Variants in ZNF284 observed in about 807,000 individuals in gnomAD.
The protein encoded by ZNF284 is zinc finger protein 284.
A neutral mutation model predicts 12.9 loss-of-function variants in ZNF284; 12 were observed. That is an observed-to-expected ratio of 0.93 (90% CI 0.60 to 1.51). The LOEUF (loss-of-function observed/expected upper bound fraction) is 1.51. Among genes scored for constraint, ZNF284 ranks in the 40% most tolerant of loss-of-function variants. ZNF284 has a pLI of 0.00. For missense variants in ZNF284, 667 were observed against 707.3 expected, an observed-to-expected ratio of 0.94 and a Z score of 0.65; for synonymous variants, 225 against 236.5, an observed-to-expected ratio of 0.95 and a Z score of 0.45.
rs760645754 is a variant in ZNF284, at chr19:44,087,108, T to G, written c.1630T>G (p.Cys544Gly). 18 of 1,614,050 alleles carry G rather than the reference T, an allele frequency of 1.1e-5. 1 individual carries two copies. The South Asian group carries it at 2.0e-4, about 18-fold the overall frequency. Residue 544 changes from cysteine (C) to glycine (G), a missense_variant, in exon 5 of 5, where the codon TGT becomes GGT. Cys to Gly is a radical substitution (Grantham distance 159). Transcript: ENST00000421176. ...SREKLFQCED[C>G]GKSSEHSSCL... is the part of the protein sequence containing the mutation. ...AGAAAAACTATTCCAATGTGAGGAT[T>G]GTGGGAAGAGCAGTGAGCACAGTTC...
At position 44,076,173 on chromosome 19, in the gene ZNF284, T is replaced by C. The variant is rs542866017; in HGVS notation, c.-68-149T>C. ...TCCATTTACCCATAGGAAGGCATTTTGGTTGTGTGCAATTTTGGGTTATTA... is the reference window on the plus strand; with the variant it reads ...TCCATTTACCCATAGGAAGGCATTTCGGTTGTGTGCAATTTTGGGTTATTA... On this transcript the variant is annotated intron_variant, in intron 1 of 4. Coordinates refer to ENST00000421176, the MANE Select transcript of ZNF284 (RefSeq NM_001037813.4). The C allele has an allele frequency of 1.6e-4, 80 of 486,840 alleles. 3 individuals are homozygous for C. In the South Asian group the frequency reaches 1.9e-3, roughly 12 times the overall value. The allele number at this position is 486,840 out of a possible 1,614,324, so 30.2% of individuals were successfully genotyped here. A position where few individuals can be genotyped will look rare whatever the true frequency, so the allele number is the denominator to read the frequency against.
Position 44,074,400 on chromosome 19 carries a change from ATATCATTTGAAACC to A in ZNF284, c.-68-1918_-68-1905del, listed in dbSNP as rs549270918. Among the ~76,000 whole-genome samples the A allele has an allele frequency of 1.4e-4, 22 of 152,240 alleles. No individual in the cohort carries two copies. The South Asian group carries it at 4.6e-3, about 32-fold the overall frequency. On this transcript the variant is annotated intron_variant, in intron 1 of 4. Coordinates refer to ENST00000421176, the MANE Select transcript of ZNF284 (RefSeq NM_001037813.4). ...AAAAAATATTTAACGTTTTATTTTC[ATATCATTTGAAACC>A]TATAGAAAAATTGCAAAAATAGTGT... is the stretch of plus-strand genomic sequence containing the variant.
chr19:44,083,531 T>A (rs1967171592), intron 4 of ZNF284, among the ~76,000 whole-genome samples: 1 of 135,414 alleles, frequency 7.4e-6, no homozygotes, highest in Non-Finnish European at 1.6e-5. Flanking sequence ...ATCTTTACCC[T>A]TCTGGTGTTG....
intron 2 of ZNF284, among the ~76,000 whole-genome samples, chr19:44,079,886 C>T (rs952699338): frequency 2.0e-5 from 3 of 152,058 alleles, no homozygotes; most frequent in Non-Finnish European, 4.4e-5. Context: ...TGAGTTTGCG[C>T]CATTGCACTC....
intron 3 of ZNF284, among the ~76,000 whole-genome samples, chr19:44,081,555 CA>C (rs1051395057): frequency 1.3e-5 from 2 of 151,342 alleles, no homozygotes; most frequent in Admixed American, 1.3e-4. Flanking sequence ...ACTAAAAATA[CA>C]AAAAAAATTG....
intron 1 of ZNF284, 93 bp from the exon 2 acceptor site, chr19:44,076,229 T>C: frequency 1.7e-6 from 1 of 598,326 alleles, no homozygotes; most frequent in Non-Finnish European, 2.9e-6. Context: ...ATTCAAGTGC[T>C]AATTCACAAC....
chr19:44,078,515 G>A (rs917333530), intron 2 of ZNF284, among the ~76,000 whole-genome samples: 9 of 152,172 alleles, frequency 5.9e-5, no homozygotes, highest in Non-Finnish European at 1.3e-4. Context: ...CTCGGATAGA[G>A]TACAGTGATG....
chr19:44,076,527 C>G, intron 2 of ZNF284, 123 bp downstream of exon 2: 1 of 919,054 alleles, frequency 1.1e-6, no homozygotes, highest in Admixed American at 2.6e-5. Flanking sequence ...CTGTTGTGTG[C>G]CAGATGCTTC....
At chr19:44,079,773 A>T (rs145473435) in intron 2 of ZNF284, among the ~76,000 whole-genome samples, 4 of 151,982 alleles carry the variant, frequency 2.6e-5, no homozygotes, top group Non-Finnish European at 4.4e-5. Flanking sequence ...TACTAAAAAT[A>T]CAAAACTAGC....
chr19:44,075,610 G>T (rs1438864596), intron 1 of ZNF284, among the ~76,000 whole-genome samples: 1 of 152,112 alleles, frequency 6.6e-6, no homozygotes, highest in Non-Finnish European at 1.5e-5. Context: ...GGAGATACAT[G>T]ATTAGTGGAC....
chr19:44,081,898 T>G, intron 3 of ZNF284, 115 bp from the exon 4 acceptor site: 1 of 732,544 alleles, frequency 1.4e-6, no homozygotes, highest in African/African-American at 1.8e-5. Flanking sequence ...AGATGAGATT[T>G]GGGGACACCG....
chr19:44,073,522 A>C (rs965372790), intron 1 of ZNF284, among the ~76,000 whole-genome samples: 8 of 151,254 alleles, frequency 5.3e-5, no homozygotes, highest in Non-Finnish European at 1.2e-4. Context: ...ATGTAAAGAT[A>C]GTAACTGTTA....
chr19:44,080,978 G>A lies in ZNF284; in HGVS notation c.16-37G>A, dbSNP rs775062854. On this transcript the variant is annotated intron_variant, in intron 2 of 4. Transcript: ENST00000421176. ...GCCACCCTTCTCCCAGGAATCACTG[G>A]TCATGAGATTGAGATTGCATACGTT... 3 of 1,597,144 alleles carry A rather than the reference G, an allele frequency of 1.9e-6. No homozygotes were observed. The South Asian group carries it at 3.3e-5, about 18-fold the overall frequency.
chr19:44,086,536 C>G lies in ZNF284; in HGVS notation c.1058C>G (p.Thr353Ser). ...TGTGAAGAATGTGGAAGGAGCTTCACTTGTAGGCAAGATCTTTGTAAGCAT... is the reference window on the plus strand; with the variant it reads ...TGTGAAGAATGTGGAAGGAGCTTCAGTTGTAGGCAAGATCTTTGTAAGCAT... ...YKCEECGRSF[T>S]CRQDLCKHQM... Residue 353 changes from threonine (T) to serine (S), a missense_variant, in exon 5 of 5, where the codon ACT becomes AGT. Physicochemically the swap from Thr to Ser is moderately conservative, Grantham distance 58. Coordinates refer to ENST00000421176, the MANE Select transcript of ZNF284 (RefSeq NM_001037813.4). 6.2e-7 allele frequency: 1 copy of G among 1,614,152 alleles called. No homozygotes were observed. The highest frequency in any genetic ancestry group is 1.3e-5 in the African/African-American group (1 of 75,030).
chr19:44,085,085 CTA>C (rs1967208706), intron 4 of ZNF284: 1 of 152,348 alleles, frequency 6.6e-6, no homozygotes, highest in Admixed American at 6.5e-5. Context: ...GCCAGAAGGG[CTA>C]CCTCCCTTCG....
In ZNF284 at chr19:44,086,310, C is replaced by G; in HGVS notation, c.832C>G (p.Gln278Glu). Residue 278 changes from glutamine to glutamate, a missense_variant, in exon 5 of 5, where the codon CAA becomes GAA. Physicochemically the swap from Gln to Glu is conservative, Grantham distance 29. Coordinates refer to ENST00000421176, the MANE Select transcript of ZNF284 (RefSeq NM_001037813.4). ...TCACAATTCCCAGCTTCGGGAACATCAAAGAATCCATACTGGGGAGAAGCC... is the reference window on the plus strand; with the variant it reads ...TCACAATTCCCAGCTTCGGGAACATGAAAGAATCCATACTGGGGAGAAGCC... ...FIHNSQLREHQRIHTGEKPFK... is the reference protein window; with the variant it reads ...FIHNSQLREHERIHTGEKPFK... 3 of 1,614,168 alleles carry G rather than the reference C, an allele frequency of 1.9e-6. No individual in the cohort carries two copies. Among genetic ancestry groups the G allele is most frequent in the Non-Finnish European group, 2.5e-6 (3 of 1,180,022 alleles).
rs926642524 is a variant in ZNF284, at chr19:44,089,495, T to C, written c.*2235T>C. 2 of 152,218 alleles carry C rather than the reference T, an allele frequency of 1.3e-5. No individual in the cohort carries two copies. Among genetic ancestry groups the C allele is most frequent in the Non-Finnish European group, 2.9e-5 (2 of 68,044 alleles). 9.4% of individuals were successfully genotyped at this position (152,218 alleles called of 1,614,324 possible). On this transcript the variant is annotated 3_prime_UTR_variant, in exon 5 of 5. Transcript: ENST00000421176. ...TACTTTTTATAGAGTGTCTCCCCTG[T>C]AATGTCTCTGGTTAAATGAAAGGGT...
chr19:44,087,089 A>G lies in ZNF284; in HGVS notation c.1611A>G (p.Lys537=). 6.2e-7 allele frequency: 1 copy of G among 1,614,140 alleles called. No individual in the cohort carries two copies. Among genetic ancestry groups the G allele is most frequent in the South Asian group, 1.1e-5 (1 of 91,076 alleles). Residue 537 remains lysine (K), a synonymous_variant, in exon 5 of 5, where the codon AAA becomes AAG. Transcript: ENST00000421176. ...ATCAAAGACTCCACAGCAGAGAAAA[A>G]CTATTCCAATGTGAGGATTGTGGGA... is the stretch of plus-strand genomic sequence containing the variant. The part of the protein sequence containing the change: ...LTHQRLHSRE[K]LFQCEDCGKS...
intron 4 of ZNF284, among the ~76,000 whole-genome samples, chr19:44,083,478 G>T (rs36067302): frequency 0.43 from 29,771 of 68,742 alleles, 8,097 homozygotes; most frequent in Non-Finnish European, 0.58. Flanking sequence ...TATATATAGA[G>T]AGAGAGAGAG....
Sources: allele counts gnomAD v4.1 joint callset (sites outside exome capture counted in the v4.1 genomes callset), GRCh38; gene constraint gnomAD v4.1.1; transcripts MANE v1.5; gene names NCBI Gene and HGNC (gene_info 2026-07-23, HGNC 2026-07-21).